Variants in MCEE observed in about 807,000 individuals in gnomAD.
MCEE encodes the protein methylmalonyl-CoA epimerase, mitochondrial.
A neutral mutation model predicts 12.9 loss-of-function variants in MCEE; 6 were observed. The observed-to-expected ratio is 0.47, with a 90% CI of 0.26 to 0.92. The LOEUF (loss-of-function observed/expected upper bound fraction) is 0.92, where lower values mean the gene tolerates loss of function less well. MCEE is among the 40% of genes least tolerant of loss of function. The pLI is 0.16. For synonymous variants in MCEE, 78 were observed against 77.9 expected, an observed-to-expected ratio of 1.00 and a Z score of -0.01; for missense variants, 214 against 212.1, an observed-to-expected ratio of 1.01 and a Z score of -0.05.
chr2:71,111,188 T>C (rs894634442), intron 2 of MCEE, among the ~76,000 whole-genome samples: 7 of 152,158 alleles, frequency 4.6e-5, no homozygotes, highest in Non-Finnish European at 2.9e-5. Context: ...CTCATAGATA[T>C]GTCAAAGTCA....
chr2:71,113,560 AAAAC>A (rs1157371939), intron 2 of MCEE, among the ~76,000 whole-genome samples: 5 of 152,250 alleles, frequency 3.3e-5, no homozygotes, highest in African/African-American at 1.2e-4. Flanking sequence ...AAGTGCTTAA[AAAAC>A]AAACACAAAA....
intron 2 of MCEE, among the ~76,000 whole-genome samples, chr2:71,123,492 C>CAAA (rs58746349): frequency 9.6e-6 from 1 of 104,016 alleles, no homozygotes; most frequent in Non-Finnish European, 2.2e-5. Context: ...GACTCCGTCT[C>CAAA]AAAAAAAAAA....
intron 2 of MCEE, among the ~76,000 whole-genome samples, chr2:71,113,081 T>C (rs535579363): frequency 1.3e-5 from 2 of 152,322 alleles, no homozygotes; most frequent in South Asian, 4.1e-4. Flanking sequence ...CAAATATAAC[T>C]ACCACACATC....
In MCEE at chr2:71,125,188, AATAT is replaced by A. The variant is rs67615436; in HGVS notation, c.41-649_41-646del. Among the ~76,000 whole-genome samples, 38 of 65,686 alleles carry A rather than the reference AATAT, an allele frequency of 5.8e-4. 2 individuals are homozygous for A. The highest frequency in any genetic ancestry group is 2.2e-3 in the East Asian group (7 of 3,222). The allele number at this position is 65,686 out of a possible 152,430, so 43.1% of individuals were successfully genotyped here. On this transcript the variant is annotated intron_variant, in intron 1 of 2. Transcript: ENST00000244217. ...GTGTGTATGTGTGTGTATATATATA[AATAT>A]ATATATATATATATATATATTTTTT...
At chr2:71,127,979 T>C (rs1046159957) in intron 1 of MCEE, among the ~76,000 whole-genome samples, 4 of 152,222 alleles carry the variant, frequency 2.6e-5, no homozygotes, top group Non-Finnish European at 5.9e-5. Flanking sequence ...CATACGTATT[T>C]AGAAAGTCAT....
chr2:71,115,411 T>TGGAGTGAAG (rs1672971401), intron 2 of MCEE, among the ~76,000 whole-genome samples: 3 of 141,012 alleles, frequency 2.1e-5, no homozygotes, highest in South Asian at 2.1e-4. Context: ...CTAAATGACA[T>TGGAGTGAAG]TGCACTAGCA....
At position 71,130,185 on chromosome 2, in the gene MCEE, G is replaced by C. The variant is rs757238704; in HGVS notation, c.35C>G (p.Ala12Gly). 4 of 1,608,872 alleles carry C rather than the reference G, an allele frequency of 2.5e-6. No homozygotes were observed. The African/African-American group carries it at 5.3e-5, about 21-fold the overall frequency. The change falls in exon 1 of 3, where the codon GCC (alanine) becomes GGC (glycine). Residue 12 changes from alanine to glycine, a missense_variant. Transcript: ENST00000244217. The stretch of plus-strand genomic sequence containing the variant: ...CGCCGGTGCCCGGTATTCACCTACG[G>C]CATTCGCGGCTGCAGCCTTCAGCAC... ...ARVLKAAAANAVGLFSRLQAP... is the reference protein window; with the variant it reads ...ARVLKAAAANGVGLFSRLQAP...
chr2:71,116,060 C>T (rs1291440226), intron 2 of MCEE, among the ~76,000 whole-genome samples: 1 of 149,784 alleles, frequency 6.7e-6, no homozygotes, highest in African/African-American at 2.5e-5. Context: ...CTTTGCATAC[C>T]ACTAGTGAAA....
rs1558750269 is a variant in MCEE at position 71,129,906 on chromosome 2, T to C, written c.40+274A>G. 3 of 569,034 alleles carry C rather than the reference T, an allele frequency of 5.3e-6. No homozygotes were observed. In the Admixed American group the frequency reaches 9.1e-5, roughly 17 times the overall value. 35.2% of individuals were successfully genotyped at this position (569,034 alleles called of 1,614,324 possible). A position where few individuals can be genotyped will look rare whatever the true frequency, so the allele number is the denominator to read the frequency against. On this transcript the variant is annotated intron_variant, in intron 1 of 2. Transcript: ENST00000244217. ...TGCCTGACCTGCCGGGCAAGTTCCC[T>C]CGACTCTCCCGCCCACATACTGGAA... is the stretch of plus-strand genomic sequence containing the variant.
rs11541017 is a variant in MCEE at position 71,124,357 on chromosome 2, G to A, written c.227C>T (p.Ala76Val). Residue 76 changes from alanine (A) to valine (V), a missense_variant, in exon 2 of 3, where the codon GCG becomes GTG. By Grantham distance (64) the Ala-to-Val change is moderately conservative. Transcript: ENST00000244217. ...TACTCCATGTTCAGGAAGAGGGACC[G>A]CTTCACTTACCTGGGCCCCCAGAAT... ...KNILGAQVSEAVPLPEHGVSV... is the reference protein window; with the variant it reads ...KNILGAQVSEVVPLPEHGVSV... The A allele has an allele frequency of 0.34, 543,131 of 1,613,590 alleles. 97,733 individuals are homozygous for A. The highest frequency in any genetic ancestry group is 0.38 in the Middle Eastern group (2,294 of 6,062).
intron 2 of MCEE, among the ~76,000 whole-genome samples, chr2:71,119,807 G>T (rs1239380307): frequency 6.7e-6 from 1 of 150,098 alleles, no homozygotes; most frequent in Non-Finnish European, 1.5e-5. Flanking sequence ...TAATCCCAGT[G>T]CTTTGGAAGG....
chr2:71,126,431 T>C (rs1321289640), intron 1 of MCEE, among the ~76,000 whole-genome samples: 1 of 151,978 alleles, frequency 6.6e-6, no homozygotes, highest in Non-Finnish European at 1.5e-5. Context: ...TTTCACCATG[T>C]TGGCCAGGCT....
At chr2:71,129,059 A>C (rs183808128) in intron 1 of MCEE, among the ~76,000 whole-genome samples, 1 of 152,134 alleles carries the variant, frequency 6.6e-6, no homozygotes, top group Admixed American at 6.5e-5. Flanking sequence ...GGAGACATTA[A>C]GCTTCAAGTA....
intron 1 of MCEE, among the ~76,000 whole-genome samples, chr2:71,125,681 C>A (rs1366963934): frequency 2.6e-5 from 4 of 152,126 alleles, no homozygotes; most frequent in Admixed American, 2.6e-4. Flanking sequence ...GCTGTGTCCT[C>A]ATCAGATAGT....
chr2:71,110,574 C>G (rs1210317146), intron 2 of MCEE, among the ~76,000 whole-genome samples: 5 of 152,134 alleles, frequency 3.3e-5, no homozygotes, highest in Non-Finnish European at 7.4e-5. Flanking sequence ...AGGTACTTAG[C>G]AAATATGAGT....
rs567031036 is a variant in MCEE at position 71,130,213 on chromosome 2, G to C, written c.7C>G (p.Arg3Gly). 3.1e-6 allele frequency: 5 copies of C among 1,607,468 alleles called. No individual in the cohort carries two copies. Among genetic ancestry groups the C allele is most frequent in the African/African-American group, 2.7e-5 (2 of 74,996 alleles). MA[R>G]VLKAAAANAV... The stretch of plus-strand genomic sequence containing the variant: ...TTCGCGGCTGCAGCCTTCAGCACCC[G>C]CGCCATTTTGGAAAGCAACCCGCCA... The change falls in exon 1 of 3, where the codon CGG becomes GGG. Residue 3 changes from arginine (R) to glycine (G), a missense_variant. Physicochemically the swap from Arg to Gly is moderately radical, Grantham distance 125 (BLOSUM62 -2). Coordinates refer to ENST00000244217, the MANE Select transcript of MCEE (RefSeq NM_032601.4).
chr2:71,109,983 A>C lies in MCEE; in HGVS notation c.518T>G (p.Leu173Arg). ...TGCAAATATAAATCAAGCTTGCTCC[A>C]GTTCCACAAGGACTCCACCACAGTC... ...PKDCGGVLVE[L>R]EQA Residue 173 changes from leucine to arginine, a missense_variant, in exon 3 of 3, where the codon CTG becomes CGG. Transcript: ENST00000244217. 1 of 1,613,744 alleles carries C rather than the reference A, an allele frequency of 6.2e-7. No homozygotes were observed.
At chr2:71,116,568 G>C (rs1228234841) in intron 2 of MCEE, among the ~76,000 whole-genome samples, 1 of 135,730 alleles carries the variant, frequency 7.4e-6, no homozygotes, top group Non-Finnish European at 1.5e-5. Context: ...TTTTTTTTGA[G>C]ATGGAGTCTC....
At chr2:71,128,976 C>A (rs552062184) in intron 1 of MCEE, among the ~76,000 whole-genome samples, 37 of 140,350 alleles carry the variant, frequency 2.6e-4, no homozygotes, top group African/African-American at 9.8e-4. Context: ...CAGAGTGAGA[C>A]TCTGTCTCAA....
Sources: gnomAD v4.1 joint callset for allele counts (sites outside exome capture counted in the v4.1 genomes callset) on GRCh38, gnomAD v4.1.1 for gene constraint, MANE v1.5 for transcripts, NCBI Gene and HGNC (gene_info 2026-07-23, HGNC 2026-07-21) for gene names.